Variants in DENND1A observed in about 807,000 individuals in gnomAD.
DENND1A encodes the protein DENN domain containing 1A, also known as DENN domain-containing protein 1A.
DENND1A carries 51 observed loss-of-function variants against 113.7 expected under a neutral mutation model. The observed-to-expected ratio is 0.45, with a 90% confidence interval of 0.36 to 0.57. DENND1A has a LOEUF of 0.57. Among genes scored for constraint, DENND1A ranks in the 20% least tolerant of loss-of-function variants. The pLI is 0.00. For synonymous variants in DENND1A, 565 were observed against 570.8 expected (o/e 0.99, Z 0.14); for missense variants, 1,258 against 1,395.9 (o/e 0.90, Z 1.57).
At chr9:123,501,219 G>A (rs2052450612) in intron 13 of DENND1A, among the ~76,000 whole-genome samples, 1 of 152,176 alleles carries the variant, frequency 6.6e-6, no homozygotes, top group Non-Finnish European at 1.5e-5. Flanking sequence ...CTGGCTAAAT[G>A]TATGTAGCAT....
chr9:123,702,730 GGA>G (rs201283851), intron 5 of DENND1A, among the ~76,000 whole-genome samples: 1 of 152,124 alleles, frequency 6.6e-6, no homozygotes, highest in Non-Finnish European at 1.5e-5. Flanking sequence ...CAGAAATGAA[GGA>G]GAGAGAAAGA....
At chr9:123,483,872 C>G (rs2050563401) in intron 13 of DENND1A, among the ~76,000 whole-genome samples, 1 of 152,176 alleles carries the variant, frequency 6.6e-6, no homozygotes, top group Non-Finnish European at 1.5e-5. Flanking sequence ...AAGAGAGACT[C>G]AGTTGTGGGT....
At chr9:123,663,751 C>A (rs2063359764) in intron 8 of DENND1A, among the ~76,000 whole-genome samples, 1 of 151,536 alleles carries the variant, frequency 6.6e-6, no homozygotes, top group Admixed American at 6.6e-5. Flanking sequence ...TTTTTAATGA[C>A]ACAGGTAAAT....
At chr9:123,891,955 G>A (rs1394485108) in intron 1 of DENND1A, among the ~76,000 whole-genome samples, 2 of 152,126 alleles carry the variant, frequency 1.3e-5, no homozygotes, top group African/African-American at 4.8e-5. Context: ...TGCAAGGAGG[G>A]GGGACCTAAG....
At position 123,516,884 on chromosome 9, in the gene DENND1A, C is replaced by CAAAAAAAAAAAAAAAA. The variant is rs546001517; in HGVS notation, c.993+40670_993+40685dup. Among the ~76,000 whole-genome samples the CAAAAAAAAAAAAAAAA allele has an allele frequency of 8.5e-4, 79 of 93,366 alleles. 1 individual carries two copies. The highest frequency in any genetic ancestry group is 9.9e-4 in the African/African-American group (16 of 16,200). 61.3% of individuals were successfully genotyped at this position (93,366 alleles called of 152,430 possible). ...CTGGTGACAGAGTGAGACTCTGTCT[C>CAAAAAAAAAAAAAAAA]AAAAAAAAAAAAAAAAAAAAAAAAA... On this transcript the variant is annotated intron_variant, in intron 13 of 23. Coordinates refer to ENST00000394215, the MANE Select transcript of DENND1A (RefSeq NM_001352964.2).
intron 13 of DENND1A, among the ~76,000 whole-genome samples, chr9:123,500,863 T>C (rs2052418844): frequency 6.6e-6 from 1 of 152,192 alleles, no homozygotes; most frequent in Admixed American, 6.5e-5. Context: ...TAGCTCAGAG[T>C]GCTAGAGGGT....
intron 5 of DENND1A, among the ~76,000 whole-genome samples, chr9:123,697,701 C>A (rs958784236): frequency 6.6e-6 from 1 of 152,172 alleles, no homozygotes; most frequent in Non-Finnish European, 1.5e-5. Flanking sequence ...CCCCTTCCCC[C>A]ACTTCTGCAG....
chr9:123,548,861 C>T (rs759344858), intron 13 of DENND1A, among the ~76,000 whole-genome samples: 14 of 152,036 alleles, frequency 9.2e-5, no homozygotes, highest in Non-Finnish European at 1.9e-4. Flanking sequence ...CTAGAATAGG[C>T]AAATTCATAG....
Position 123,631,439 on chromosome 9 carries a change from T to G in DENND1A, c.619-963A>C, listed in dbSNP as rs539843330. Among the ~76,000 whole-genome samples, 13 of 152,340 alleles carry G rather than the reference T, an allele frequency of 8.5e-5. No individual in the cohort carries two copies. In the East Asian group the frequency reaches 2.3e-3, roughly 27 times the overall value. ...GGTTTATAAGCAATCACTGATGAAA[T>G]GCAAAGAATACCCAGCCTTTGTAAT... On this transcript the variant is annotated intron_variant, in intron 9 of 23. Transcript: ENST00000394215.
At chr9:123,397,156 C>T (rs769144049) in intron 21 of DENND1A, among the ~76,000 whole-genome samples, 30 of 152,062 alleles carry the variant, frequency 2.0e-4, no homozygotes, top group Non-Finnish European at 4.0e-4. Context: ...TCAATAATTC[C>T]GTTTCCTTTT....
Position 123,630,376 on chromosome 9 carries a change from C to A in DENND1A, c.719G>T (p.Cys240Phe). Residue 240 changes from cysteine to phenylalanine, a missense_variant and splice_region_variant, in exon 10 of 24, where the codon TGT becomes TTT. Coordinates refer to ENST00000394215, the MANE Select transcript of DENND1A (RefSeq NM_001352964.2). The stretch of plus-strand genomic sequence containing the variant: ...CAGAGGACAGGGCCAGCCACCTTAC[C>A]AGCAGTAGTCCAGCAGATGCGGCGG... Reference protein sequence around the residue: ...VLPPHLLDYCCAPMPYLIGIH... With the variant: ...VLPPHLLDYCFAPMPYLIGIH... 1 of 1,590,242 alleles carries A rather than the reference C, an allele frequency of 6.3e-7. No homozygotes were observed. Among genetic ancestry groups the A allele is most frequent in the Non-Finnish European group, 8.6e-7 (1 of 1,165,080 alleles).
intron 6 of DENND1A, among the ~76,000 whole-genome samples, chr9:123,674,960 A>G (rs2063980307): frequency 1.3e-5 from 2 of 152,056 alleles, no homozygotes; most frequent in Admixed American, 1.3e-4. Context: ...CACCTTTCAA[A>G]TTTGAGTGAA....
chr9:123,674,727 C>A (rs146209536), intron 6 of DENND1A, among the ~76,000 whole-genome samples: 1 of 152,174 alleles, frequency 6.6e-6, no homozygotes, highest in East Asian at 1.9e-4. Flanking sequence ...CAGTTTTACA[C>A]GGTAATAATC....
intron 13 of DENND1A, among the ~76,000 whole-genome samples, chr9:123,489,722 T>C (rs909023367): frequency 1.3e-5 from 2 of 152,210 alleles, no homozygotes; most frequent in Non-Finnish European, 2.9e-5. Context: ...TTGGGTTCAG[T>C]GGGACGAGGC....
chr9:123,919,692 G>A (rs1855873040), intron 1 of DENND1A, among the ~76,000 whole-genome samples: 1 of 150,894 alleles, frequency 6.6e-6, no homozygotes, highest in African/African-American at 2.4e-5. Flanking sequence ...GATCAGCCTG[G>A]CCAAAATGGT....
chr9:123,493,978 A>C (rs1364705100), intron 13 of DENND1A, among the ~76,000 whole-genome samples: 2 of 152,134 alleles, frequency 1.3e-5, no homozygotes, highest in African/African-American at 2.4e-5. Context: ...TCTGGGGGGA[A>C]CTTCTCTGCA....
intron 13 of DENND1A, among the ~76,000 whole-genome samples, chr9:123,482,843 A>AG (rs2050461902): frequency 6.6e-6 from 1 of 152,176 alleles, no homozygotes; most frequent in African/African-American, 2.4e-5. Context: ...GAGGAGTGCC[A>AG]GGGGAAATGA....
rs1447863109 is a variant in DENND1A at position 123,382,206 on chromosome 9, G to A, written c.2439C>T (p.Leu813=). ...RDRRAALSPG[L]LPGVVPQGPT... ...GGCCTTGGGGGACAACACCAGGCAGGAGCCCTGGACTCAGGGCAGCTCGCC... is the reference window on the plus strand; with the variant it reads ...GGCCTTGGGGGACAACACCAGGCAGAAGCCCTGGACTCAGGGCAGCTCGCC... The change falls in exon 24 of 24, where the codon CTC becomes CTT. Residue 813 remains leucine, a synonymous_variant. Coordinates refer to ENST00000394215, the MANE Select transcript of DENND1A (RefSeq NM_001352964.2). 5.6e-6 allele frequency: 9 copies of A among 1,609,692 alleles called. No homozygotes were observed. The highest frequency in any genetic ancestry group is 1.7e-5 in the Admixed American group (1 of 59,866).
At chr9:123,691,794 T>C (rs1274621260) in intron 5 of DENND1A, among the ~76,000 whole-genome samples, 1 of 152,080 alleles carries the variant, frequency 6.6e-6, no homozygotes, top group Admixed American at 6.6e-5. Flanking sequence ...TTAAGACCAA[T>C]GTGGCTGGTG....
Sources: allele counts gnomAD v4.1 joint callset (sites outside exome capture counted in the v4.1 genomes callset), GRCh38; gene constraint gnomAD v4.1.1; transcripts MANE v1.5; gene names NCBI Gene and HGNC (gene_info 2026-07-23, HGNC 2026-07-21).